PEAK1: variants seen among roughly 807,000 people sequenced by gnomAD.
PEAK1 encodes the protein pseudopodium enriched atypical kinase 1.
Under a neutral mutation model 124.7 loss-of-function variants are expected in PEAK1, and 54 were observed. That is an observed-to-expected ratio of 0.43 (90% CI 0.35 to 0.54). The LOEUF (loss-of-function observed/expected upper bound fraction) is 0.54. Ranked by LOEUF, PEAK1 falls within the 20% of genes least tolerant of loss-of-function variation. PEAK1 has a pLI of 0.01. For synonymous variants in PEAK1, 719 were observed against 760.0 expected (o/e 0.95, Z 0.89); for missense variants, 2,046 against 2,134.5 (o/e 0.96, Z 0.82).
At chr15:77,313,580 C>T (rs2064616169) in intron 2 of PEAK1, among the ~76,000 whole-genome samples, 1 of 150,830 alleles carries the variant, frequency 6.6e-6, no homozygotes, top group Non-Finnish European at 1.5e-5. Context: ...GATTCTCCTG[C>T]CTCAGCCTCC....
intron 6 of PEAK1, among the ~76,000 whole-genome samples, chr15:77,186,073 C>T (rs2057531938): frequency 6.6e-6 from 1 of 152,024 alleles, no homozygotes; most frequent in African/African-American, 2.4e-5. Flanking sequence ...CTCAGAAAAG[C>T]ATAAAGAAAA....
rs769083491 is a variant in PEAK1 at position 77,179,445 on chromosome 15, C to T, written c.2482G>A (p.Glu828Lys). 3.1e-6 allele frequency: 5 copies of T among 1,614,074 alleles called. No homozygotes were observed. Among genetic ancestry groups the T allele is most frequent in the Non-Finnish European group, 4.2e-6 (5 of 1,179,992 alleles). Residue 828 changes from glutamate (E) to lysine (K), a missense_variant, in exon 7 of 10, where the codon GAG (glutamate) becomes AAG (lysine). Transcript: ENST00000682557. Reference sequence around the variant, plus strand: ...TCTGTGGTCTGAGGTGCTTCAGCCTCACCACTAGGCTGAGATGTAAAGAGA... The same window carrying T: ...TCTGTGGTCTGAGGTGCTTCAGCCTTACCACTAGGCTGAGATGTAAAGAGA... Reference protein sequence around the residue: ...KSLFTSQPSGEAEAPQTTDSP... With the variant: ...KSLFTSQPSGKAEAPQTTDSP...
At chr15:77,174,211 C>T (rs538761436) in intron 7 of PEAK1, among the ~76,000 whole-genome samples, 1 of 152,158 alleles carries the variant, frequency 6.6e-6, no homozygotes, top group Non-Finnish European at 1.5e-5. Flanking sequence ...AATCTAATCC[C>T]ATAATGAAGG....
At chr15:77,304,265 T>C (rs772842138) in intron 2 of PEAK1, among the ~76,000 whole-genome samples, 6 of 152,156 alleles carry the variant, frequency 3.9e-5, no homozygotes, top group Non-Finnish European at 7.3e-5. Context: ...ATAGATCAAA[T>C]TGGAAAGAAC....
intron 1 of PEAK1, among the ~76,000 whole-genome samples, chr15:77,407,220 C>T (rs1274121710): frequency 6.6e-6 from 1 of 152,126 alleles, no homozygotes; most frequent in African/African-American, 2.4e-5. Flanking sequence ...GCAAAGACTT[C>T]ATGTCCAAGA....
chr15:77,178,934 C>T lies in PEAK1; in HGVS notation c.2993G>A (p.Gly998Asp), dbSNP rs776389695. The T allele has an allele frequency of 5.6e-6, 9 of 1,614,070 alleles. No individual in the cohort carries two copies. The highest frequency in any genetic ancestry group is 1.6e-4 in the Middle Eastern group (1 of 6,062). Residue 998 changes from glycine (G) to aspartate (D), a missense_variant, in exon 7 of 10, where the codon GGC becomes GAC. Physicochemically the swap from Gly to Asp is moderately conservative, Grantham distance 94. Transcript: ENST00000682557. ...VFMYRCDPAQ[G>D]QLSVDQSKAR... ...CTTGCTCTGATCCACACTGAGCTGG[C>T]CTTGAGCAGGGTCGCACCTGTACAT...
At chr15:77,263,590 C>A (rs2061555061) in intron 5 of PEAK1, among the ~76,000 whole-genome samples, 1 of 152,160 alleles carries the variant, frequency 6.6e-6, no homozygotes, top group South Asian at 2.1e-4. Flanking sequence ...CAATAACAGG[C>A]TCTGAAATTG....
intron 6 of PEAK1, among the ~76,000 whole-genome samples, chr15:77,191,444 C>T (rs980459812): frequency 7.9e-5 from 12 of 152,156 alleles, no homozygotes; most frequent in African/African-American, 2.7e-4. Flanking sequence ...ACTTGGGAAG[C>T]TATTTCAATG....
At chr15:77,320,111 A>G (rs1165862150) in intron 2 of PEAK1, among the ~76,000 whole-genome samples, 38 of 152,150 alleles carry the variant, frequency 2.5e-4, no homozygotes, top group Admixed American at 2.5e-3. Flanking sequence ...CCTAGGCAGA[A>G]CTGGCTGCCT....
At chr15:77,247,794 A>T (rs2060666841) in intron 6 of PEAK1, among the ~76,000 whole-genome samples, 1 of 152,116 alleles carries the variant, frequency 6.6e-6, no homozygotes, top group Non-Finnish European at 1.5e-5. Flanking sequence ...CATTCTGAAG[A>T]TTAAAACAAC....
Position 77,181,979 on chromosome 15 carries a change from C to G in PEAK1, c.-53G>C. ...GCTTTTCTTTCAGTGCATGACAAAACTTTCATCTGTTAGTTTTCACTTCCC... is the reference window on the plus strand; with the variant it reads ...GCTTTTCTTTCAGTGCATGACAAAAGTTTCATCTGTTAGTTTTCACTTCCC... On this transcript the variant is annotated 5_prime_UTR_variant, in exon 7 of 10. Coordinates refer to ENST00000682557, the MANE Select transcript of PEAK1 (RefSeq NM_001385026.1). The G allele has an allele frequency of 6.6e-7, 1 of 1,509,470 alleles. No individual in the cohort carries two copies. Among genetic ancestry groups the G allele is most frequent in the African/African-American group, 1.4e-5 (1 of 71,698 alleles). The allele number at this position is 1,509,470 out of a possible 1,614,324, so 93.5% of individuals were successfully genotyped here.
Position 77,114,818 on chromosome 15 carries a change from A to G in PEAK1, c.4579T>C (p.Tyr1527His). The G allele has an allele frequency of 6.2e-7, 1 of 1,613,412 alleles. No individual in the cohort carries two copies. ...CCTTGGGCAGTCCCCCCAGGCTGGT[A>G]GTGGACAAGTAGCAGGTTCTCTAGG... Reference protein sequence around the residue: ...LRLENLLLVHYQPGGTAQGFG... With the variant: ...LRLENLLLVHHQPGGTAQGFG... The change falls in exon 10 of 10, where the codon TAC (tyrosine) becomes CAC (histidine). Residue 1527 changes from tyrosine (Y) to histidine (H), a missense_variant. By Grantham distance (83) the Tyr-to-His change is moderately conservative (BLOSUM62 2). Coordinates refer to ENST00000682557, the MANE Select transcript of PEAK1 (RefSeq NM_001385026.1).
At chr15:77,201,799 T>C (rs1420281993) in intron 6 of PEAK1, among the ~76,000 whole-genome samples, 1 of 152,202 alleles carries the variant, frequency 6.6e-6, no homozygotes, top group Admixed American at 6.5e-5. Flanking sequence ...AATATATTCA[T>C]GGCCACATTC....
rs79430835 is a variant in PEAK1, at chr15:77,195,222, A to C, written c.-114-13182T>G. Among the ~76,000 whole-genome samples, 41 of 152,252 alleles carry C rather than the reference A, an allele frequency of 2.7e-4. No homozygotes were observed. In the East Asian group the frequency reaches 5.6e-3, roughly 21 times the overall value. On this transcript the variant is annotated intron_variant, in intron 6 of 9. Transcript: ENST00000682557. The stretch of plus-strand genomic sequence containing the variant: ...CAAACTGAAAATATTTTAATGCTTA[A>C]AGAGCTCAAACCCACAGTTATCCAG...
intron 1 of PEAK1, among the ~76,000 whole-genome samples, chr15:77,400,378 A>T (rs2142004623): frequency 6.6e-6 from 1 of 152,300 alleles, no homozygotes; most frequent in East Asian, 1.9e-4. Context: ...TTACTGCAGC[A>T]TTATTCACAA....
At chr15:77,346,842 A>G (rs752959308) in intron 2 of PEAK1, 98 of 641,890 alleles carry the variant, frequency 1.5e-4, no homozygotes, top group Non-Finnish European at 1.7e-4. Flanking sequence ...TACAGCAGTA[A>G]ACTAGACACA....
intron 9 of PEAK1, among the ~76,000 whole-genome samples, chr15:77,129,352 T>C (rs1021955452): frequency 6.6e-6 from 1 of 152,206 alleles, no homozygotes; most frequent in East Asian, 1.9e-4. Flanking sequence ...TAAAATAACA[T>C]ACAGTTAGTA....
chr15:77,336,253 A>T, intron 2 of PEAK1: 1 of 985,348 alleles, frequency 1.0e-6, no homozygotes, highest in Non-Finnish European at 1.2e-6. Flanking sequence ...GGGCACAAAG[A>T]ATCTAATCAT....
intron 2 of PEAK1, among the ~76,000 whole-genome samples, chr15:77,313,786 T>C (rs2064689188): frequency 6.7e-6 from 1 of 150,230 alleles, no homozygotes; most frequent in Non-Finnish European, 1.5e-5. Context: ...TTCTCCATGT[T>C]GGTCAGGCTG....
Sources: allele counts gnomAD v4.1 joint callset (sites outside exome capture counted in the v4.1 genomes callset), GRCh38; gene constraint gnomAD v4.1.1; transcripts MANE v1.5; gene names NCBI Gene and HGNC (gene_info 2026-07-23, HGNC 2026-07-21).